ZFPM2: variants seen among roughly 807,000 people sequenced by gnomAD.
ZFPM2 encodes zinc finger protein ZFPM2.
ZFPM2 carries 20 observed loss-of-function variants against 98.6 expected under a neutral mutation model. The ratio of observed to expected loss-of-function variants is 0.20; its 90% CI spans 0.14 to 0.29. ZFPM2 has a LOEUF of 0.29. Ranked by LOEUF, ZFPM2 falls within the 10% of genes least tolerant of loss-of-function variation. The pLI, the probability that ZFPM2 is intolerant of heterozygous loss-of-function variation, is 1.00. For synonymous variants in ZFPM2, 518 were observed against 502.7 expected (o/e 1.03, Z -0.41); for missense variants, 1,310 against 1,388.6 (o/e 0.94, Z 0.90).
chr8:105,690,610 A>C (rs1173024544), intron 5 of ZFPM2, among the ~76,000 whole-genome samples: 1 of 151,980 alleles, frequency 6.6e-6, no homozygotes, highest in Non-Finnish European at 1.5e-5. Context: ...ACGAAATGAG[A>C]CTCACCTTGG....
At chr8:105,599,361 G>GTTTTTCTTTTTTC (rs1344754310) in intron 4 of ZFPM2, among the ~76,000 whole-genome samples, 1 of 138,782 alleles carries the variant, frequency 7.2e-6, no homozygotes, top group African/African-American at 2.6e-5. Context: ...CTGCTTGTCA[G>GTTTTTCTTTTTTC]TTTTTCTTTT....
intron 3 of ZFPM2, among the ~76,000 whole-genome samples, chr8:105,558,834 T>A (rs1043036705): frequency 2.1e-4 from 32 of 152,306 alleles, no homozygotes; most frequent in Admixed American, 3.9e-4. Context: ...GAAGATTTTT[T>A]AACTTGTATT....
At chr8:105,350,641 G>A (rs1456809784) in intron 1 of ZFPM2, among the ~76,000 whole-genome samples, 2 of 152,074 alleles carry the variant, frequency 1.3e-5, no homozygotes, top group African/African-American at 4.8e-5. Context: ...TTTTGGTGGG[G>A]GACACTGAGG....
intron 3 of ZFPM2, among the ~76,000 whole-genome samples, chr8:105,496,262 T>G (rs1317305841): frequency 6.6e-6 from 1 of 152,170 alleles, no homozygotes; most frequent in Non-Finnish European, 1.5e-5. Context: ...TTCCCGTGCC[T>G]TGGCCTCCCA....
At chr8:105,620,570 C>T (rs1816518082) in intron 4 of ZFPM2, among the ~76,000 whole-genome samples, 1 of 152,098 alleles carries the variant, frequency 6.6e-6, no homozygotes, top group Non-Finnish European at 1.5e-5. Context: ...GCTTTTATTG[C>T]CATTGCTTTT....
At chr8:105,730,622 C>T (rs1367886669) in intron 5 of ZFPM2, among the ~76,000 whole-genome samples, 1 of 151,672 alleles carries the variant, frequency 6.6e-6, no homozygotes, top group African/African-American at 2.4e-5. Flanking sequence ...TGGCTTAACT[C>T]TCTTAATGCC....
rs56037877 is a variant in ZFPM2 at position 105,330,613 on chromosome 8, CATATATAT to C, written c.40+11644_40+11651del. ...ATATATACATATATATATATATACACATATATATATATATATATACATATATATATATA... is the reference window on the plus strand; with the variant it reads ...ATATATACATATATATATATATACACATATATATATACATATATATATATA... On this transcript the variant is annotated intron_variant, in intron 1 of 7. Coordinates refer to ENST00000407775, the MANE Select transcript of ZFPM2 (RefSeq NM_012082.4). Among the ~76,000 whole-genome samples the C allele has an allele frequency of 3.7e-4, 34 of 90,706 alleles. 2 individuals are homozygous for C. The highest frequency in any genetic ancestry group is 5.1e-4 in the African/African-American group (14 of 27,666). 59.5% of individuals were successfully genotyped at this position (90,706 alleles called of 152,430 possible). A position where few individuals can be genotyped will look rare whatever the true frequency, so the allele number is the denominator to read the frequency against.
At chr8:105,424,850 G>C (rs56703672) in intron 2 of ZFPM2, among the ~76,000 whole-genome samples, 38,366 of 152,032 alleles carry the variant, frequency 0.25, 5,053 homozygotes, top group Admixed American at 0.32. Flanking sequence ...CAGGAGGAGA[G>C]AGAGAGAGGC....
At chr8:105,781,745 G>A (rs551426343) in intron 5 of ZFPM2, among the ~76,000 whole-genome samples, 51 of 152,100 alleles carry the variant, frequency 3.4e-4, no homozygotes, top group Non-Finnish European at 5.3e-4. Flanking sequence ...AAATAACTTG[G>A]AGTCACTTCC....
intron 4 of ZFPM2, among the ~76,000 whole-genome samples, chr8:105,573,801 G>C (rs960954677): frequency 1.3e-5 from 2 of 152,142 alleles, no homozygotes; most frequent in African/African-American, 4.8e-5. Context: ...TCAAAAGTGG[G>C]AGAGAAAGTA....
In ZFPM2 at chr8:105,725,272, G is replaced by A. The variant is rs73700138; in HGVS notation, c.533-63446G>A. The stretch of plus-strand genomic sequence containing the variant: ...TCCTTATGGCTTTTACCCACAGTCT[G>A]ACACTTCCATGTCATCTTATCTTTT... On this transcript the variant is annotated intron_variant, in intron 5 of 7. Coordinates refer to ENST00000407775, the MANE Select transcript of ZFPM2 (RefSeq NM_012082.4). Among the ~76,000 whole-genome samples, 358 of 151,700 alleles carry A rather than the reference G, an allele frequency of 2.4e-3. 2 individuals are homozygous for A. Among genetic ancestry groups the A allele is most frequent in the African/African-American group, 8.4e-3 (348 of 41,418 alleles).
At chr8:105,506,814 C>T (rs1813708263) in intron 3 of ZFPM2, among the ~76,000 whole-genome samples, 1 of 151,832 alleles carries the variant, frequency 6.6e-6, no homozygotes, top group Admixed American at 6.6e-5. Context: ...GGTGAAACCC[C>T]GTCTCTACTA....
chr8:105,758,064 CACAACCTGTGACAATG>C (rs1015943633), intron 5 of ZFPM2, among the ~76,000 whole-genome samples: 15 of 152,112 alleles, frequency 9.9e-5, no homozygotes, highest in Non-Finnish European at 2.1e-4. Flanking sequence ...GAGCAGGACC[CACAACCTGTGACAATG>C]ACAACCTGTG....
intron 1 of ZFPM2, among the ~76,000 whole-genome samples, chr8:105,356,071 A>G (rs1812741242): frequency 6.6e-6 from 1 of 152,182 alleles, no homozygotes; most frequent in South Asian, 2.1e-4. Context: ...AACTCCTTAC[A>G]TGGAAGTTTT....
At chr8:105,628,745 G>T (rs1816704234) in intron 4 of ZFPM2, among the ~76,000 whole-genome samples, 1 of 152,000 alleles carries the variant, frequency 6.6e-6, no homozygotes, top group African/African-American at 2.4e-5. Context: ...TTCCCACTGA[G>T]AGCCACTTTC....
intron 3 of ZFPM2, among the ~76,000 whole-genome samples, chr8:105,454,440 C>A (rs1048772413): frequency 6.6e-6 from 1 of 152,210 alleles, no homozygotes; most frequent in African/African-American, 2.4e-5. Flanking sequence ...GGGTGCCCCA[C>A]TGGATGCTCC....
intron 3 of ZFPM2, among the ~76,000 whole-genome samples, chr8:105,515,644 C>G (rs1223774836): frequency 6.6e-6 from 1 of 152,138 alleles, no homozygotes; most frequent in East Asian, 1.9e-4. Flanking sequence ...TTATGGTTTA[C>G]AGAAGTAAAA....
At chr8:105,470,308 C>A (rs1812878336) in intron 3 of ZFPM2, among the ~76,000 whole-genome samples, 1 of 152,054 alleles carries the variant, frequency 6.6e-6, no homozygotes, top group Admixed American at 6.6e-5. Flanking sequence ...AGCTAGGTGA[C>A]CTTTGAAAAG....
chr8:105,400,738 C>T (rs1287989552), intron 1 of ZFPM2, among the ~76,000 whole-genome samples: 7 of 151,946 alleles, frequency 4.6e-5, no homozygotes, highest in South Asian at 2.1e-4. Context: ...TTTAGAGGTG[C>T]ACTCTAATAG....
Sources: allele counts gnomAD v4.1 joint callset (sites outside exome capture counted in the v4.1 genomes callset), GRCh38; gene constraint gnomAD v4.1.1; transcripts MANE v1.5; gene names NCBI Gene and HGNC (gene_info 2026-07-23, HGNC 2026-07-21).